LMF1: variants seen among roughly 807,000 people sequenced by gnomAD.
The protein encoded by LMF1 is lipase maturation factor 1.
Under a neutral mutation model 60.6 loss-of-function variants are expected in LMF1, and 68 were observed. That is an observed-to-expected ratio of 1.12 (90% CI 0.92 to 1.37). LMF1 has a LOEUF of 1.37. LMF1 is among the 40% of genes most tolerant of loss of function. LMF1 has a pLI of 0.00. For synonymous variants in LMF1, 418 were observed against 324.7 expected, an observed-to-expected ratio of 1.29 and a Z score of -3.09; for missense variants, 948 against 767.2, an observed-to-expected ratio of 1.24 and a Z score of -2.78.
At chr16:974,765 C>G (rs569660365), upstream of LMF1, among the ~76,000 whole-genome samples, 6 of 152,370 alleles carry the variant, frequency 3.9e-5, no homozygotes, top group South Asian at 1.2e-3. Flanking sequence ...TGTCCCCCAG[C>G]ACCCCGGCCT....
At position 854,503 on chromosome 16, in the gene LMF1, G is replaced by C; in HGVS notation, c.*29C>G. The stretch of plus-strand genomic sequence containing the variant: ...AACGTTGCTGAGCCGCCGAGGGGCT[G>C]GGTCTTCGCCTTTATTTCTGGTGCA... On this transcript the variant is annotated 3_prime_UTR_variant, in exon 11 of 11. Transcript: ENST00000262301. 2 of 1,593,476 alleles carry C rather than the reference G, an allele frequency of 1.3e-6. No homozygotes were observed. Among genetic ancestry groups the C allele is most frequent in the Non-Finnish European group, 1.7e-6 (2 of 1,173,804 alleles).
chr16:950,047 C>A (rs1373638151), intron 2 of LMF1, among the ~76,000 whole-genome samples: 2 of 57,934 alleles, frequency 3.5e-5, no homozygotes, highest in East Asian at 5.2e-4. Flanking sequence ...AGAGTCAGAG[C>A]CAACGACAGA....
chr16:926,017 G>C (rs534734021), intron 3 of LMF1, among the ~76,000 whole-genome samples: 243 of 151,350 alleles, frequency 1.6e-3, no homozygotes, highest in Non-Finnish European at 2.6e-3. Flanking sequence ...ATGTGTGCTT[G>C]CATATGGTCT....
In LMF1 at chr16:869,910, G is replaced by C. The variant is rs1567152737; in HGVS notation, c.1389C>G (p.Asp463Glu). ...GGAAGGCCGCGAACCACATCAGCCA[G>C]TCCAGGCGGTAGTGGTACGGGGAGA... ...CLISPYHYRLDWLMWFAAFQT... is the reference protein window; with the variant it reads ...CLISPYHYRLEWLMWFAAFQT... The change falls in exon 9 of 11, where the codon GAC becomes GAG. Residue 463 changes from aspartate (D) to glutamate (E), a missense_variant. By Grantham distance (45) the Asp-to-Glu change is conservative. Coordinates refer to ENST00000262301, the MANE Select transcript of LMF1 (RefSeq NM_022773.4). 1 of 1,612,972 alleles carries C rather than the reference G, an allele frequency of 6.2e-7. No individual in the cohort carries two copies.
chr16:878,376 C>T lies in LMF1; in HGVS notation c.897+1194G>A, dbSNP rs944403901. Among the ~76,000 whole-genome samples the T allele has an allele frequency of 5.9e-5, 9 of 152,112 alleles. No individual in the cohort carries two copies. Among genetic ancestry groups the T allele is most frequent in the African/African-American group, 2.2e-4 (9 of 41,400 alleles). ...GGGAGTCAGGAGCTGCTCAGGGCCCCGGCGGCCAGAGTGAGGGTCCTTGCT... is the reference window on the plus strand; with the variant it reads ...GGGAGTCAGGAGCTGCTCAGGGCCCTGGCGGCCAGAGTGAGGGTCCTTGCT... On this transcript the variant is annotated intron_variant, in intron 6 of 10. Coordinates refer to ENST00000262301, the MANE Select transcript of LMF1 (RefSeq NM_022773.4). The surrounding 1 kb of genome is among the most constrained non-coding windows in gnomAD (Gnocchi z 5.2).
chr16:970,007 C>T (rs544507279), intron 1 of LMF1, among the ~76,000 whole-genome samples: 2 of 152,286 alleles, frequency 1.3e-5, no homozygotes, highest in East Asian at 3.9e-4. Context: ...CACGCGGGCC[C>T]CGCACAGCTG....
intron 2 of LMF1, among the ~76,000 whole-genome samples, chr16:950,794 T>C (rs73483874): frequency 0.013 from 567 of 43,328 alleles, 157 homozygotes; most frequent in African/African-American, 0.072. Flanking sequence ...AGTCAGCCAA[T>C]GACAGAGTCA....
At chr16:956,315 C>T (rs999692798) in intron 1 of LMF1, among the ~76,000 whole-genome samples, 2 of 152,074 alleles carry the variant, frequency 1.3e-5, no homozygotes, top group Non-Finnish European at 2.9e-5. Context: ...ATCCTCTGGA[C>T]GTCAGTATTT....
At chr16:932,929 G>C (rs907664150) in intron 3 of LMF1, among the ~76,000 whole-genome samples, 1 of 151,294 alleles carries the variant, frequency 6.6e-6, no homozygotes, top group African/African-American at 2.5e-5. Context: ...GGGGACTCAG[G>C]CCGCCGCACA....
intron 4 of LMF1, among the ~76,000 whole-genome samples, chr16:906,263 T>G (rs1223455027): frequency 2.0e-5 from 3 of 152,172 alleles, no homozygotes; most frequent in Non-Finnish European, 4.4e-5. Context: ...TAATACTGAG[T>G]GTCAGCTTGA....
chr16:979,465 C>T, intron 1 of LMF1: 1 of 362,646 alleles, frequency 2.8e-6, no homozygotes, highest in Admixed American at 3.4e-5. Context: ...TCACTGCAAC[C>T]TGGGGAAAGG....
rs779714723 is a variant in LMF1, at chr16:874,969, G to A, written c.898-3628C>T. Among the ~76,000 whole-genome samples, 1 of 152,210 alleles carries A rather than the reference G, an allele frequency of 6.6e-6. No individual in the cohort carries two copies. The highest frequency in any genetic ancestry group is 2.4e-5 in the African/African-American group (1 of 41,456). ...CCTAGTTCAAGACCCCACACTGCCT[G>A]TGAGGGGGCAGGATACATCGCAGCC... On this transcript the variant is annotated intron_variant, in intron 6 of 10. Coordinates refer to ENST00000262301, the MANE Select transcript of LMF1 (RefSeq NM_022773.4). The surrounding 1 kb of genome is among the most constrained non-coding windows in gnomAD (Gnocchi z 4.1).
intron 4 of LMF1, among the ~76,000 whole-genome samples, chr16:894,129 T>C (rs369008256): frequency 0.5 from 5,053 of 10,132 alleles, 879 homozygotes; most frequent in African/African-American, 0.6. Context: ...CCGGACCGTC[T>C]GCCCACCCGT....
At chr16:914,423 G>T (rs139440319) in intron 3 of LMF1, among the ~76,000 whole-genome samples, 1 of 151,850 alleles carries the variant, frequency 6.6e-6, no homozygotes, top group South Asian at 2.1e-4. Context: ...TAGGGTCCAC[G>T]AGAGAACGCA....
chr16:970,859 G>A lies in LMF1; in HGVS notation c.122C>T (p.Pro41Leu), dbSNP rs755098921. The A allele has an allele frequency of 1.9e-6, 3 of 1,560,882 alleles. No homozygotes were observed. The highest frequency in any genetic ancestry group is 2.4e-5 in the South Asian group (2 of 84,046). ...PAPGRGPAGS[P>L]AHLHTGTFWL... is the part of the protein sequence containing the mutation. ...GAAGGTGCCCGTGTGGAGATGGGCC[G>A]GAGAGCCTGCGGGGCCACGCCCCGG... Residue 41 changes from proline to leucine, a missense_variant, in exon 1 of 11, where the codon CCG becomes CTG. Pro to Leu is a moderately conservative substitution (Grantham distance 98, BLOSUM62 -3). Transcript: ENST00000262301.
intron 3 of LMF1, among the ~76,000 whole-genome samples, chr16:916,839 C>A (rs923853846): frequency 2.0e-5 from 3 of 152,244 alleles, no homozygotes; most frequent in Admixed American, 2.0e-4. Flanking sequence ...CAGGAACACC[C>A]CTCTCCTGGC....
chr16:856,280 G>T (rs1236498401), intron 10 of LMF1, among the ~76,000 whole-genome samples: 2 of 152,158 alleles, frequency 1.3e-5, no homozygotes, highest in East Asian at 3.9e-4. Context: ...CCAGCATGGG[G>T]ACTGAGGCCA....
intron 5 of LMF1, among the ~76,000 whole-genome samples, chr16:892,315 G>A (rs2151730544): frequency 6.6e-6 from 1 of 152,342 alleles, no homozygotes; most frequent in African/African-American, 2.4e-5. Context: ...GGTGCACCGT[G>A]GCCATGACCA....
intron 3 of LMF1, among the ~76,000 whole-genome samples, chr16:914,791 G>T (rs1343100285): frequency 2.7e-5 from 4 of 145,872 alleles, no homozygotes; most frequent in Non-Finnish European, 6.1e-5. Context: ...ATGACCACTG[G>T]TGACACACTC....
Sources: gnomAD v4.1 joint callset for allele counts (sites outside exome capture counted in the v4.1 genomes callset) on GRCh38, gnomAD v4.1.1 for gene constraint, Gnocchi (gnomAD v3.1) non-coding constraint, MANE v1.5 for transcripts, NCBI Gene and HGNC (gene_info 2026-07-23, HGNC 2026-07-21) for gene names.